KIRREL3: variants seen among roughly 807,000 people sequenced by gnomAD.
KIRREL3 encodes kirre like nephrin family adhesion molecule 3.
In KIRREL3, 36 loss-of-function variants were observed where a neutral mutation model predicts 89.7. The ratio of observed to expected loss-of-function variants is 0.40; its 90% CI spans 0.31 to 0.53. The LOEUF (loss-of-function observed/expected upper bound fraction) is 0.53, where lower values mean the gene tolerates loss of function less well. Ranked by LOEUF, KIRREL3 falls within the 20% of genes least tolerant of loss-of-function variation. The pLI is 0.49. For missense variants in KIRREL3, 864 were observed against 1,056.6 expected, an observed-to-expected ratio of 0.82 and a Z score of 2.53; for synonymous variants, 445 against 441.4, an observed-to-expected ratio of 1.01 and a Z score of -0.10.
At chr11:126,738,810 T>C (rs3889461) in intron 1 of KIRREL3, among the ~76,000 whole-genome samples, 45,902 of 152,152 alleles carry the variant, frequency 0.3, 7,872 homozygotes, top group African/African-American at 0.47. Flanking sequence ...GAAAAGTTTA[T>C]GAAGACGAGA....
Position 126,990,584 on chromosome 11 carries a change from T to G in KIRREL3, c.55+9871A>C, listed in dbSNP as rs932713323. ...CAGGCTGACTGAGGCACTGCAGCCT[T>G]CACCTGGCGTCAGGGCCCAAAATAG... is the stretch of plus-strand genomic sequence containing the variant. On this transcript the variant is annotated intron_variant, in intron 1 of 16. Transcript: ENST00000525144. The surrounding 1 kb of genome is among the most constrained non-coding windows in gnomAD (Gnocchi z 6.3). Among the ~76,000 whole-genome samples the G allele has an allele frequency of 1.3e-5, 2 of 152,180 alleles. No individual in the cohort carries two copies. Among genetic ancestry groups the G allele is most frequent in the South Asian group, 2.1e-4 (1 of 4,816 alleles).
At chr11:126,425,197 G>A (rs1020191552) in intron 16 of KIRREL3, among the ~76,000 whole-genome samples, 174 bp from the exon 17 acceptor site, 1 of 152,184 alleles carries the variant, frequency 6.6e-6, no homozygotes, top group African/African-American at 2.4e-5. Context: ...GAAGGTGCAG[G>A]GGAAGAAGGA....
At chr11:126,873,039 A>T (rs914790075) in intron 1 of KIRREL3, among the ~76,000 whole-genome samples, 5 of 152,246 alleles carry the variant, frequency 3.3e-5, no homozygotes, top group Non-Finnish European at 7.3e-5. Flanking sequence ...TCCATAACAG[A>T]TACATCTTTG....
rs1467649361 is a variant in KIRREL3, at chr11:126,526,736, C to T, written c.134-49G>A. On this transcript the variant is annotated intron_variant, in intron 2 of 16. Coordinates refer to ENST00000525144, the MANE Select transcript of KIRREL3 (RefSeq NM_032531.4). This position sits in a 1 kb window ranked among gnomAD's most constrained non-coding sequence, Gnocchi z 5.7. ...GTCAGTTATCTGCCGGCTACAGGGG[C>T]GAGAAGGCTCCCCTCCAGCTATGGA... 1.4e-5 allele frequency: 22 copies of T among 1,526,786 alleles called. No homozygotes were observed. In the East Asian group the frequency reaches 2.0e-4, roughly 14 times the overall value. The allele number at this position is 1,526,786 out of a possible 1,614,324, so 94.6% of individuals were successfully genotyped here.
chr11:126,890,539 C>T lies in KIRREL3; in HGVS notation c.55+109916G>A, dbSNP rs78983304. Among the ~76,000 whole-genome samples the T allele has an allele frequency of 0.029, 4,487 of 152,320 alleles. 228 individuals are homozygous for T. The highest frequency in any genetic ancestry group is 0.1 in the African/African-American group (4,304 of 41,554). Reference sequence around the variant, plus strand: ...CTTTGCCATTTAATGGTGACCAAATCCCTCCAGTTTTCTGCTCCCTGGCTG... The same window carrying T: ...CTTTGCCATTTAATGGTGACCAAATTCCTCCAGTTTTCTGCTCCCTGGCTG... On this transcript the variant is annotated intron_variant, in intron 1 of 16. Transcript: ENST00000525144. The surrounding 1 kb of genome is among the most constrained non-coding windows in gnomAD (Gnocchi z 5.1).
intron 2 of KIRREL3, among the ~76,000 whole-genome samples, chr11:126,547,822 A>G (rs1446353702): frequency 6.6e-6 from 1 of 152,174 alleles, no homozygotes; most frequent in Non-Finnish European, 1.5e-5. Context: ...ATGGTGGGGA[A>G]GTCACCCTAT....
At chr11:126,957,301 C>G (rs1948952735) in intron 1 of KIRREL3, among the ~76,000 whole-genome samples, 1 of 152,142 alleles carries the variant, frequency 6.6e-6, no homozygotes, top group Non-Finnish European at 1.5e-5. Context: ...TCAGTCTGTC[C>G]TAAGGAACAT....
intron 1 of KIRREL3, among the ~76,000 whole-genome samples, chr11:126,632,086 T>C (rs1447689909): frequency 6.6e-6 from 1 of 152,224 alleles, no homozygotes; most frequent in Non-Finnish European, 1.5e-5. Context: ...TGGGCCCCAC[T>C]ACCAGAGCTA....
At chr11:126,779,605 T>C (rs1950266648) in intron 1 of KIRREL3, among the ~76,000 whole-genome samples, 1 of 152,174 alleles carries the variant, frequency 6.6e-6, no homozygotes. Flanking sequence ...AATCAGGACA[T>C]TTTAAAATTT....
At chr11:126,473,960 AT>A (rs60920110) in intron 4 of KIRREL3, among the ~76,000 whole-genome samples, 76,953 of 145,714 alleles carry the variant, frequency 0.53, 21,718 homozygotes, top group African/African-American at 0.77. Context: ...TGCCCGGCTA[AT>A]TTTTTTTTTT....
intron 1 of KIRREL3, among the ~76,000 whole-genome samples, chr11:126,714,235 T>C (rs935729149): frequency 6.6e-6 from 1 of 152,140 alleles, no homozygotes; most frequent in Non-Finnish European, 1.5e-5. Flanking sequence ...ACATAATCAA[T>C]GGAGGAGTTG....
At position 126,635,007 on chromosome 11, in the gene KIRREL3, T is replaced by G. The variant is rs1184384195; in HGVS notation, c.56-72095A>C. On this transcript the variant is annotated intron_variant, in intron 1 of 16. Coordinates refer to ENST00000525144, the MANE Select transcript of KIRREL3 (RefSeq NM_032531.4). The surrounding 1 kb of genome is among the most constrained non-coding windows in gnomAD (Gnocchi z 4.0). ...TGCTCCACTCAGCAAGTGGGGACAG[T>G]TCCAGCTTCTGGGCTCTTCTTGCCC... is the stretch of plus-strand genomic sequence containing the variant. Among the ~76,000 whole-genome samples, 2 of 152,206 alleles carry G rather than the reference T, an allele frequency of 1.3e-5. No homozygotes were observed. Among genetic ancestry groups the G allele is most frequent in the African/African-American group, 4.8e-5 (2 of 41,448 alleles).
intron 1 of KIRREL3, among the ~76,000 whole-genome samples, chr11:126,831,567 G>A (rs1943609789): frequency 6.6e-6 from 1 of 152,200 alleles, no homozygotes; most frequent in South Asian, 2.1e-4. Context: ...TTAATTCTAA[G>A]AGGACCAAGA....
At chr11:126,880,107 C>T (rs1019525834) in intron 1 of KIRREL3, among the ~76,000 whole-genome samples, 17 of 152,158 alleles carry the variant, frequency 1.1e-4, no homozygotes, top group Admixed American at 1.0e-3. Context: ...TACAGATGTG[C>T]GAATTATCCT....
At position 126,890,785 on chromosome 11, in the gene KIRREL3, C is replaced by T. The variant is rs184537938; in HGVS notation, c.55+109670G>A. Among the ~76,000 whole-genome samples, 8 of 152,244 alleles carry T rather than the reference C, an allele frequency of 5.3e-5. No individual in the cohort carries two copies. The highest frequency in any genetic ancestry group is 1.9e-4 in the African/African-American group (8 of 41,474). ...GCGTCCCCCAGTCCCAGCACCACAGCGGCCTGCCTGTGCCCAGCGCTGCCC... is the reference window on the plus strand; with the variant it reads ...GCGTCCCCCAGTCCCAGCACCACAGTGGCCTGCCTGTGCCCAGCGCTGCCC... On this transcript the variant is annotated intron_variant, in intron 1 of 16. Coordinates refer to ENST00000525144, the MANE Select transcript of KIRREL3 (RefSeq NM_032531.4). This position sits in a 1 kb window ranked among gnomAD's most constrained non-coding sequence, Gnocchi z 5.1.
intron 1 of KIRREL3, chr11:126,934,855 T>C (rs1948111996): frequency 6.6e-6 from 1 of 152,120 alleles, no homozygotes; most frequent in Non-Finnish European, 1.5e-5. Context: ...GGTCAGGACA[T>C]CGAGGCTATC....
intron 2 of KIRREL3, among the ~76,000 whole-genome samples, chr11:126,529,965 CT>C (rs5795503): frequency 2.8e-4 from 42 of 147,516 alleles, no homozygotes; most frequent in East Asian, 1.2e-3. Context: ...ATGGAACCCA[CT>C]TTTTTTTTTC....
chr11:126,581,180 G>C (rs1019548321), intron 1 of KIRREL3, among the ~76,000 whole-genome samples: 1 of 152,054 alleles, frequency 6.6e-6, no homozygotes, highest in Non-Finnish European at 1.5e-5. Context: ...TATAGTTAGT[G>C]GGGGGTTTAG....
intron 2 of KIRREL3, among the ~76,000 whole-genome samples, chr11:126,552,903 A>G (rs1487881313): frequency 1.3e-5 from 2 of 152,128 alleles, no homozygotes; most frequent in Non-Finnish European, 1.5e-5. Flanking sequence ...GAAAGAAAGA[A>G]AAAAATAGTC....
Sources: allele counts gnomAD v4.1 joint callset (sites outside exome capture counted in the v4.1 genomes callset), GRCh38; gene constraint gnomAD v4.1.1; non-coding constraint Gnocchi (gnomAD v3.1); transcripts MANE v1.5; gene names NCBI Gene and HGNC (gene_info 2026-07-23, HGNC 2026-07-21).